The following ZNF736 variants were observed in gnomAD, a reference collection of about 807,000 sequenced individuals.
The protein encoded by ZNF736 is KRAB-containing zinc-finger repressor protein.
ZNF736 carries 6 observed loss-of-function variants against 11.7 expected under a neutral mutation model. The observed-to-expected ratio is 0.51, with a 90% confidence interval of 0.28 to 1.01. The LOEUF (loss-of-function observed/expected upper bound fraction) is 1.01, where lower values mean the gene tolerates loss of function less well. ZNF736 is among the 50% of genes least tolerant of loss of function. The pLI is 0.09. For synonymous variants in ZNF736, 139 were observed against 164.7 expected (o/e 0.84, Z 1.19); for missense variants, 444 against 496.0 (o/e 0.90, Z 1.00).
intron 3 of ZNF736, 198 bp downstream of exon 3, chr7:64,337,180 CT>C (rs1462316623): frequency 1.0e-5 from 6 of 583,378 alleles, no homozygotes; most frequent in Non-Finnish European, 1.8e-5. Context: ...TGTACTTCCC[CT>C]TCAGTAATGT....
chr7:64,314,059 C>G lies in ZNF736; in HGVS notation c.-92C>G. 1 of 1,527,070 alleles carries G rather than the reference C, an allele frequency of 6.5e-7. No homozygotes were observed. The highest frequency in any genetic ancestry group is 1.2e-5 in the South Asian group (1 of 83,544). The allele number at this position is 1,527,070 out of a possible 1,614,324, so 94.6% of individuals were successfully genotyped here. A position where few individuals can be genotyped will look rare whatever the true frequency, so the allele number is the denominator to read the frequency against. Reference sequence around the variant, plus strand: ...TCCATCTCCTCCGTTCCTGGAGTTCCTCGGTGACTCTACTATAGCTTCTGT... The same window carrying G: ...TCCATCTCCTCCGTTCCTGGAGTTCGTCGGTGACTCTACTATAGCTTCTGT... On this transcript the variant is annotated 5_prime_UTR_variant, in exon 1 of 4. Coordinates refer to ENST00000423484, the MANE Select transcript of ZNF736 (RefSeq NM_001170905.3).
At chr7:64,345,239 G>A (rs1789392295) in intron 3 of ZNF736, among the ~76,000 whole-genome samples, 1 of 150,974 alleles carries the variant, frequency 6.6e-6, no homozygotes, top group Non-Finnish European at 1.5e-5. Context: ...AGCCAGGATG[G>A]TCTCGATCTC....
At chr7:64,339,096 T>C (rs1243579067) in intron 3 of ZNF736, among the ~76,000 whole-genome samples, 2 of 152,196 alleles carry the variant, frequency 1.3e-5, no homozygotes, top group Admixed American at 1.3e-4. Flanking sequence ...CCTTTCTATA[T>C]ACCTGTTGCC....
intron 1 of ZNF736, among the ~76,000 whole-genome samples, chr7:64,317,209 A>G (rs1341072637): frequency 6.6e-6 from 1 of 152,258 alleles, no homozygotes; most frequent in Non-Finnish European, 1.5e-5. Flanking sequence ...ATGATTGTCT[A>G]GTATAATCGT....
chr7:64,330,370 G>T (rs1789146968), intron 1 of ZNF736, among the ~76,000 whole-genome samples: 1 of 152,036 alleles, frequency 6.6e-6, no homozygotes, highest in Non-Finnish European at 1.5e-5. Flanking sequence ...TGTTAGCCAG[G>T]ATGGTCTCCA....
At chr7:64,343,387 C>T (rs1789365728) in intron 3 of ZNF736, among the ~76,000 whole-genome samples, 1 of 151,974 alleles carries the variant, frequency 6.6e-6, no homozygotes. Flanking sequence ...AAAATGAAAA[C>T]AATAGACACT....
intron 2 of ZNF736, among the ~76,000 whole-genome samples, 186 bp from the exon 3 acceptor site, chr7:64,336,701 A>G (rs568738250): frequency 1.3e-5 from 2 of 152,334 alleles, no homozygotes; most frequent in South Asian, 4.1e-4. Context: ...ATTACTGGGT[A>G]ATAGAGCTAA....
intron 1 of ZNF736, among the ~76,000 whole-genome samples, chr7:64,323,546 A>G (rs147117144): frequency 6.2e-4 from 95 of 152,344 alleles, no homozygotes; most frequent in African/African-American, 2.2e-3. Flanking sequence ...ACCATGGAAT[A>G]CTATGCAGGC....
chr7:64,353,479 G>A lies in ZNF736; in HGVS notation c.*4332G>A, dbSNP rs891715749. 6 of 152,162 alleles carry A rather than the reference G, an allele frequency of 3.9e-5. No individual in the cohort carries two copies. The highest frequency in any genetic ancestry group is 1.4e-4 in the African/African-American group (6 of 41,436). 9.4% of individuals were successfully genotyped at this position (152,162 alleles called of 1,614,324 possible). Reference sequence around the variant, plus strand: ...GGAACCTACTTTTTTATATTAAAAGGATTCAATATTTTTCAAAAGCAAATT... The same window carrying A: ...GGAACCTACTTTTTTATATTAAAAGAATTCAATATTTTTCAAAAGCAAATT... On this transcript the variant is annotated 3_prime_UTR_variant, in exon 4 of 4. Transcript: ENST00000423484.
At position 64,350,256 on chromosome 7, in the gene ZNF736, T is replaced by C. The variant is rs562336203; in HGVS notation, c.*1109T>C. The C allele has an allele frequency of 6.6e-6, 1 of 152,358 alleles. No individual in the cohort carries two copies. The highest frequency in any genetic ancestry group is 2.1e-4 in the South Asian group (1 of 4,828). The allele number at this position is 152,358 out of a possible 1,614,324, so 9.4% of individuals were successfully genotyped here. A position where few individuals can be genotyped will look rare whatever the true frequency, so the allele number is the denominator to read the frequency against. On this transcript the variant is annotated 3_prime_UTR_variant, in exon 4 of 4. Coordinates refer to ENST00000423484, the MANE Select transcript of ZNF736 (RefSeq NM_001170905.3). ...TTCTTAGAGGTTTTGTTCATTCCTC[T>C]TTATTCTTTTTTCACTGTTCTTGTC...
At chr7:64,331,624 C>T (rs1789168449) in intron 1 of ZNF736, among the ~76,000 whole-genome samples, 1 of 152,176 alleles carries the variant, frequency 6.6e-6, no homozygotes, top group Admixed American at 6.5e-5. Context: ...GCTATTTAGT[C>T]ATCTTGCTCC....
chr7:64,330,238 G>T (rs1315087231), intron 1 of ZNF736, among the ~76,000 whole-genome samples: 1 of 151,940 alleles, frequency 6.6e-6, no homozygotes, highest in East Asian at 1.9e-4. Context: ...CTCACTGCAA[G>T]CTCCGCCTCC....
At chr7:64,334,356 C>T (rs999698565) in intron 1 of ZNF736, among the ~76,000 whole-genome samples, 1 of 152,262 alleles carries the variant, frequency 6.6e-6, no homozygotes. Context: ...AGTGAACAGG[C>T]AGCCTACAGA....
At position 64,355,961 on chromosome 7, in the gene ZNF736, G is replaced by GATAT. The variant is rs767074614; in HGVS notation, c.*6818_*6821dup. On this transcript the variant is annotated 3_prime_UTR_variant, in exon 4 of 4. Transcript: ENST00000423484. ...TGGGTTGATTTGGGGGCAATTGGAT[G>GATAT]ATATATAGAGTGGTTATGCTGCATC... is the stretch of plus-strand genomic sequence containing the variant. The GATAT allele has an allele frequency of 5.3e-6, 1 of 188,436 alleles. No individual in the cohort carries two copies. Among genetic ancestry groups the GATAT allele is most frequent in the South Asian group, 1.1e-4 (1 of 9,182 alleles). 11.7% of individuals were successfully genotyped at this position (188,436 alleles called of 1,614,324 possible).
intron 3 of ZNF736, 96 bp downstream of exon 3, chr7:64,337,078 C>A: frequency 2.0e-6 from 2 of 1,018,898 alleles, no homozygotes. Flanking sequence ...AGCTCTGCTC[C>A]AGTGGAAATG....
chr7:64,320,470 A>G (rs1788988488), intron 1 of ZNF736, among the ~76,000 whole-genome samples: 1 of 152,240 alleles, frequency 6.6e-6, no homozygotes, highest in Admixed American at 6.5e-5. Context: ...TGCCTAAGCT[A>G]GAGATAATTC....
chr7:64,331,985 T>C (rs906935272), intron 1 of ZNF736, among the ~76,000 whole-genome samples: 3 of 152,168 alleles, frequency 2.0e-5, no homozygotes, highest in Non-Finnish European at 4.4e-5. Context: ...TCCTTCTGCC[T>C]GTGGGTGTGG....
At chr7:64,334,816 A>G (rs192575074) in intron 1 of ZNF736, among the ~76,000 whole-genome samples, 2 of 152,232 alleles carry the variant, frequency 1.3e-5, no homozygotes, top group East Asian at 1.9e-4. Context: ...AAATCATTCT[A>G]CTATAAAGAC....
chr7:64,330,747 T>TCTTTACTCA (rs1287415139), intron 1 of ZNF736, among the ~76,000 whole-genome samples: 19 of 152,274 alleles, frequency 1.2e-4, no homozygotes, highest in African/African-American at 4.3e-4. Context: ...GCCCAAGGGC[T>TCTTTACTCA]CTTTACTCAG....
Sources: allele counts gnomAD v4.1 joint callset (sites outside exome capture counted in the v4.1 genomes callset), GRCh38; gene constraint gnomAD v4.1.1; transcripts MANE v1.5; gene names NCBI Gene and HGNC (gene_info 2026-07-23, HGNC 2026-07-21).